HDDC2: variants seen among roughly 807,000 people sequenced by gnomAD.
HDDC2 encodes 5'-deoxynucleotidase HDDC2.
Under a neutral mutation model 25.5 loss-of-function variants are expected in HDDC2, and 25 were observed. The ratio of observed to expected loss-of-function variants is 0.98; its 90% CI spans 0.72 to 1.37. HDDC2 has a LOEUF of 1.37. HDDC2 is among the 40% of genes most tolerant of loss of function. The probability of loss-of-function intolerance (pLI) is 0.00; values close to 1 mark genes in which losing one functional copy is unlikely to be tolerated. For synonymous variants in HDDC2, 106 were observed against 89.7 expected (o/e 1.18, Z -1.03); for missense variants, 264 against 253.1 (o/e 1.04, Z -0.29).
intron 4 of HDDC2, 69 bp from the exon 5 acceptor site, chr6:125,277,309 C>T: frequency 6.8e-7 from 1 of 1,463,564 alleles, no homozygotes. Context: ...AAAATTCTGA[C>T]TCTGGTACCC....
At position 125,276,139 on chromosome 6, in the gene HDDC2, G is replaced by A; in HGVS notation, c.*7C>T. ...TGTTACAGGAGTGCAGCAATTTAGAGAGTGTCTCAGGAGTGTGGCTCACTG... is the reference window on the plus strand; with the variant it reads ...TGTTACAGGAGTGCAGCAATTTAGAAAGTGTCTCAGGAGTGTGGCTCACTG... On this transcript the variant is annotated 3_prime_UTR_variant, in exon 6 of 6. Transcript: ENST00000398153. 1.3e-6 allele frequency: 2 copies of A among 1,587,638 alleles called. No homozygotes were observed.
intron 2 of HDDC2, among the ~76,000 whole-genome samples, chr6:125,299,394 G>A (rs1339979074): frequency 6.6e-6 from 1 of 152,066 alleles, no homozygotes; most frequent in East Asian, 1.9e-4. Context: ...AAAAAAAAAC[G>A]AGATTACATT....
In HDDC2 at chr6:125,292,823, C is replaced by T. The variant is rs41285250; in HGVS notation, c.378+18G>A. On this transcript the variant is annotated intron_variant, in intron 4 of 5. Transcript: ENST00000398153. ...TTCAGATACAAATTAAAAACAGTAA[C>T]GTACCATATATACTTACTTCCCAAA... is the stretch of plus-strand genomic sequence containing the variant. The T allele has an allele frequency of 0.028, 44,303 of 1,586,094 alleles. 774 individuals are homozygous for T. Among genetic ancestry groups the T allele is most frequent in the South Asian group, 0.057 (5,160 of 90,398 alleles).
At chr6:125,282,021 C>T (rs544720680) in intron 4 of HDDC2, among the ~76,000 whole-genome samples, 1 of 152,258 alleles carries the variant, frequency 6.6e-6, no homozygotes, top group Non-Finnish European at 1.5e-5. Flanking sequence ...ATCCTACAAG[C>T]CAGAAGAGAG....
intron 3 of HDDC2, among the ~76,000 whole-genome samples, chr6:125,297,143 A>AT (rs1004102453): frequency 1.3e-5 from 2 of 152,056 alleles, no homozygotes; most frequent in African/African-American, 2.4e-5. Flanking sequence ...TAATTGAGGA[A>AT]TTTTTTTCCC....
intron 2 of HDDC2, among the ~76,000 whole-genome samples, chr6:125,299,341 C>G (rs1798760205): frequency 6.6e-6 from 1 of 152,166 alleles, no homozygotes; most frequent in Non-Finnish European, 1.5e-5. Context: ...TGACACTGCA[C>G]CACTGCACTC....
intron 4 of HDDC2, among the ~76,000 whole-genome samples, chr6:125,292,341 C>T (rs1381203594): frequency 6.6e-6 from 1 of 151,890 alleles, no homozygotes; most frequent in Non-Finnish European, 1.5e-5. Context: ...GGGAAGGGAG[C>T]AGCACTGGGA....
At chr6:125,279,196 T>C (rs981423450) in intron 4 of HDDC2, 1 of 152,168 alleles carries the variant, frequency 6.6e-6, no homozygotes, top group African/African-American at 2.4e-5. Flanking sequence ...TAGTTGACAC[T>C]GGGAGGGATC....
rs987855029 is a variant in HDDC2, at chr6:125,301,948, G to C, written c.-16C>G. ...CCGAAGCCATGCGGCCACCGACCCC[G>C]GCTGGGCGGAGCAGGCCGCGGCGAA... On this transcript the variant is annotated 5_prime_UTR_variant, in exon 1 of 6. Coordinates refer to ENST00000398153, the MANE Select transcript of HDDC2 (RefSeq NM_016063.3). The C allele has an allele frequency of 6.5e-7, 1 of 1,543,208 alleles. No homozygotes were observed. The highest frequency in any genetic ancestry group is 1.2e-5 in the South Asian group (1 of 83,772).
At chr6:125,301,820 C>T in intron 1 of HDDC2, 29 bp downstream of exon 1, 4 of 1,515,346 alleles carry the variant, frequency 2.6e-6, no homozygotes, top group Non-Finnish European at 2.7e-6. Context: ...CCCGCTCGGC[C>T]GCGGCCTCCC....
intron 1 of HDDC2, 45 bp from the exon 2 acceptor site, chr6:125,300,704 TAAC>T: frequency 6.3e-7 from 1 of 1,581,662 alleles, no homozygotes; most frequent in Non-Finnish European, 8.6e-7. Context: ...GAACAAATAT[TAAC>T]TATCTGCTAT....
At chr6:125,300,914 G>A (rs983599427) in intron 1 of HDDC2, among the ~76,000 whole-genome samples, 1 of 152,124 alleles carries the variant, frequency 6.6e-6, no homozygotes, top group African/African-American at 2.4e-5. Flanking sequence ...TTCTGTTACT[G>A]ATGTATAATT....
At chr6:125,283,512 T>A (rs566477829) in intron 4 of HDDC2, among the ~76,000 whole-genome samples, 1 of 152,186 alleles carries the variant, frequency 6.6e-6, no homozygotes, top group South Asian at 2.1e-4. Context: ...AGCATTCCTA[T>A]ACACCAATAA....
In HDDC2 at chr6:125,275,961, A is replaced by C. The variant is rs978165573; in HGVS notation, c.*185T>G. 5.1e-6 allele frequency: 3 copies of C among 584,380 alleles called. No homozygotes were observed. Among genetic ancestry groups the C allele is most frequent in the Non-Finnish European group, 6.1e-6 (2 of 329,834 alleles). The allele number at this position is 584,380 out of a possible 1,614,324, so 36.2% of individuals were successfully genotyped here. ...AGTGTTCATCCATGGCACTTTCATG[A>C]CCGCTTCCTGTTCTGTGGCTTCTTT... On this transcript the variant is annotated 3_prime_UTR_variant, in exon 6 of 6. Coordinates refer to ENST00000398153, the MANE Select transcript of HDDC2 (RefSeq NM_016063.3).
At chr6:125,285,163 G>C (rs866625323) in intron 4 of HDDC2, among the ~76,000 whole-genome samples, 1 of 151,302 alleles carries the variant, frequency 6.6e-6, no homozygotes, top group East Asian at 2.0e-4. Flanking sequence ...GGGGCCTGTC[G>C]GGGGGTGGGG....
At chr6:125,299,472 G>A (rs182588044) in intron 2 of HDDC2, among the ~76,000 whole-genome samples, 9 of 152,296 alleles carry the variant, frequency 5.9e-5, no homozygotes, top group Admixed American at 5.2e-4. Context: ...AGCGGTTAAG[G>A]AATAGTGGTT....
At chr6:125,276,483 C>T (rs942733641) in intron 5 of HDDC2, 2 of 490,132 alleles carry the variant, frequency 4.1e-6, no homozygotes, top group Middle Eastern at 5.3e-4. Context: ...AAGGAATCAT[C>T]AATTAGGCAG....
intron 3 of HDDC2, among the ~76,000 whole-genome samples, chr6:125,296,070 C>T (rs1798702040): frequency 6.6e-6 from 1 of 151,388 alleles, no homozygotes; most frequent in African/African-American, 2.4e-5. Flanking sequence ...GTTGGTCCTC[C>T]ATATCTGTGG....
intron 1 of HDDC2, among the ~76,000 whole-genome samples, chr6:125,301,201 T>C (rs905253262): frequency 1.3e-5 from 2 of 152,178 alleles, no homozygotes; most frequent in Non-Finnish European, 2.9e-5. Flanking sequence ...CTCTAAGGAA[T>C]GTTATAAATA....
Sources: allele counts gnomAD v4.1 joint callset (sites outside exome capture counted in the v4.1 genomes callset), GRCh38; gene constraint gnomAD v4.1.1; transcripts MANE v1.5; gene names NCBI Gene and HGNC (gene_info 2026-07-23, HGNC 2026-07-21).